NTM: variants seen among roughly 807,000 people sequenced by gnomAD.
The protein encoded by NTM is neurotrimin.
A neutral mutation model predicts 42.1 loss-of-function variants in NTM; 13 were observed. That is an observed-to-expected ratio of 0.31 (90% CI 0.20 to 0.49). NTM has a LOEUF of 0.49. Among genes scored for constraint, NTM ranks in the 20% least tolerant of loss-of-function variants. The probability of loss-of-function intolerance (pLI) is 0.99; values close to 1 mark genes in which losing one functional copy is unlikely to be tolerated. For missense variants in NTM, 373 were observed against 452.8 expected (o/e 0.82, Z 1.60); for synonymous variants, 187 against 179.2 (o/e 1.04, Z -0.35).
rs73586678 is a variant in NTM, at chr11:132,021,861, G to C, written c.167+110213G>C. Among the ~76,000 whole-genome samples, 352 of 152,318 alleles carry C rather than the reference G, an allele frequency of 2.3e-3. 1 individual carries two copies. Among genetic ancestry groups the C allele is most frequent in the African/African-American group, 7.9e-3 (327 of 41,576 alleles). On this transcript the variant is annotated intron_variant, in intron 2 of 8. Transcript: ENST00000683400. ...TCTCCTGATATTTGCTTCCTACTGAGTCCTGTCATGTCCTTTCTGCTCAGG... is the reference window on the plus strand; with the variant it reads ...TCTCCTGATATTTGCTTCCTACTGACTCCTGTCATGTCCTTTCTGCTCAGG...
intron 1 of NTM, among the ~76,000 whole-genome samples, chr11:131,812,533 G>C (rs1270068126): frequency 6.6e-6 from 1 of 151,994 alleles, no homozygotes; most frequent in African/African-American, 2.4e-5. Context: ...ATGTACACCA[G>C]GCATTGTGCT....
At chr11:132,105,860 G>A (rs1459747704) in intron 2 of NTM, among the ~76,000 whole-genome samples, 2 of 152,136 alleles carry the variant, frequency 1.3e-5, no homozygotes, top group Non-Finnish European at 2.9e-5. Flanking sequence ...TCCATATCGA[G>A]AAAGAGGGGA....
intron 1 of NTM, among the ~76,000 whole-genome samples, chr11:131,832,033 C>T (rs1197445341): frequency 1.3e-5 from 2 of 150,108 alleles, no homozygotes; most frequent in Non-Finnish European, 3.0e-5. Context: ...AGTCCATTCT[C>T]CTACAGTGGA....
intron 7 of NTM, among the ~76,000 whole-genome samples, chr11:132,317,292 G>A (rs969324386): frequency 6.6e-6 from 1 of 151,592 alleles, no homozygotes; most frequent in Non-Finnish European, 1.5e-5. Context: ...ATGAAACGAT[G>A]GGGGTGGGGA....
Position 131,545,421 on chromosome 11 carries a change from G to T in NTM, c.82+174533G>T, listed in dbSNP as rs138745150. On this transcript the variant is annotated intron_variant, in intron 1 of 8. Coordinates refer to ENST00000683400, the MANE Select transcript of NTM (RefSeq NM_001352005.2). ...TTCCTTTCCTTTTAGTCACAATAAA[G>T]AATTGAAGGGCATTTTCAAGTTTGG... Among the ~76,000 whole-genome samples the T allele has an allele frequency of 7.9e-5, 12 of 151,852 alleles. No homozygotes were observed. The East Asian group carries it at 2.1e-3, about 27-fold the overall frequency.
At chr11:131,430,481 A>G (rs1397843805) in intron 1 of NTM, among the ~76,000 whole-genome samples, 2 of 152,194 alleles carry the variant, frequency 1.3e-5, no homozygotes, top group South Asian at 2.1e-4. Context: ...AAGTCCATTA[A>G]TAGCAGAATA....
At chr11:132,302,826 T>A (rs958740192) in intron 4 of NTM, among the ~76,000 whole-genome samples, 1 of 152,196 alleles carries the variant, frequency 6.6e-6, no homozygotes, top group Non-Finnish European at 1.5e-5. Flanking sequence ...GCCCACAGAC[T>A]CCTCTAAGCT....
chr11:132,089,738 C>G (rs2060171361), intron 2 of NTM, among the ~76,000 whole-genome samples: 1 of 151,948 alleles, frequency 6.6e-6, no homozygotes, highest in Admixed American at 6.6e-5. Flanking sequence ...CATTTTCCAC[C>G]CAAGCTTCAA....
chr11:131,818,055 C>T (rs2093024811), intron 1 of NTM, among the ~76,000 whole-genome samples: 1 of 152,182 alleles, frequency 6.6e-6, no homozygotes, highest in Admixed American at 6.5e-5. Flanking sequence ...ACTTGACACA[C>T]ATCAGCGGCT....
In NTM at chr11:131,589,167, ATGTGTGTGTG is replaced by A. The variant is rs58237274; in HGVS notation, c.82+218305_82+218314del. 6.3e-5 allele frequency among the ~76,000 whole-genome samples: 9 copies of A among 143,600 alleles called. No individual in the cohort carries two copies. The South Asian group carries it at 6.7e-4, about 11-fold the overall frequency. The allele number at this position is 143,600 out of a possible 152,430, so 94.2% of individuals were successfully genotyped here. On this transcript the variant is annotated intron_variant, in intron 1 of 8. Coordinates refer to ENST00000683400, the MANE Select transcript of NTM (RefSeq NM_001352005.2). The stretch of plus-strand genomic sequence containing the variant: ...ACCATGCCACTCTTAACCTGGAAAA[ATGTGTGTGTG>A]TGTGTGTGTGTGTGTGTGTGTGTGT...
chr11:132,221,231 C>A (rs1409922608), intron 4 of NTM, among the ~76,000 whole-genome samples: 3 of 152,328 alleles, frequency 2.0e-5, no homozygotes, highest in Admixed American at 1.3e-4. Context: ...ATCATTCAAT[C>A]ATAACAATAG....
chr11:131,414,822 A>G (rs1946774518), intron 1 of NTM, among the ~76,000 whole-genome samples: 1 of 152,182 alleles, frequency 6.6e-6, no homozygotes, highest in African/African-American at 2.4e-5. Flanking sequence ...AAGTTCTTGC[A>G]GGTTCTTTCC....
intron 1 of NTM, among the ~76,000 whole-genome samples, chr11:131,439,528 C>T (rs1166940426): frequency 6.6e-6 from 1 of 152,238 alleles, no homozygotes; most frequent in Non-Finnish European, 1.5e-5. Flanking sequence ...GATGCCCCTC[C>T]CCCTGCCAGG....
chr11:131,675,169 C>A (rs552511312), intron 1 of NTM, among the ~76,000 whole-genome samples: 15 of 152,300 alleles, frequency 9.8e-5, no homozygotes, highest in African/African-American at 3.1e-4. Context: ...TCTGTTTAAA[C>A]CCTTGGGATA....
chr11:131,995,683 G>A (rs2067871658), intron 2 of NTM, among the ~76,000 whole-genome samples: 1 of 152,154 alleles, frequency 6.6e-6, no homozygotes, highest in Non-Finnish European at 1.5e-5. Context: ...TTTGGTCTAG[G>A]TCCTGTTGCT....
At chr11:131,794,948 C>G in intron 1 of NTM, 2 of 985,286 alleles carry the variant, frequency 2.0e-6, no homozygotes, top group South Asian at 4.7e-5. Flanking sequence ...GAACCTGAAC[C>G]CGCATGTCAG....
At chr11:132,139,024 G>A (rs1041062177) in intron 2 of NTM, among the ~76,000 whole-genome samples, 5 of 152,206 alleles carry the variant, frequency 3.3e-5, no homozygotes, top group Non-Finnish European at 7.3e-5. Flanking sequence ...AATGGCAGAT[G>A]GAGTCCAGCG....
chr11:132,106,861 T>A (rs1325358186), intron 2 of NTM, among the ~76,000 whole-genome samples: 1 of 152,178 alleles, frequency 6.6e-6, no homozygotes, highest in Admixed American at 6.5e-5. Context: ...AGCTGCGATG[T>A]TTAATTCCCT....
intron 2 of NTM, among the ~76,000 whole-genome samples, chr11:131,938,124 C>G (rs1166701786): frequency 6.6e-6 from 1 of 152,186 alleles, no homozygotes; most frequent in East Asian, 1.9e-4. Flanking sequence ...CAGAAAAGGT[C>G]CTTGCCCTCA....
Sources: gnomAD v4.1 joint callset for allele counts (sites outside exome capture counted in the v4.1 genomes callset) on GRCh38, gnomAD v4.1.1 for gene constraint, MANE v1.5 for transcripts, NCBI Gene and HGNC (gene_info 2026-07-23, HGNC 2026-07-21) for gene names.